The following POGZ variants were observed in gnomAD, a reference collection of about 807,000 sequenced individuals.
POGZ encodes pogo transposable element with ZNF domain.
Under a neutral mutation model 134.6 loss-of-function variants are expected in POGZ, and 17 were observed. The observed-to-expected ratio is 0.13, with a 90% CI of 0.09 to 0.19. POGZ has a LOEUF of 0.19. Among genes scored for constraint, POGZ ranks in the 10% least tolerant of loss-of-function variants. POGZ has a pLI of 1.00. For synonymous variants in POGZ, 693 were observed against 657.1 expected, an observed-to-expected ratio of 1.05 and a Z score of -0.84; for missense variants, 1,306 against 1,769.7, an observed-to-expected ratio of 0.74 and a Z score of 4.70.
chr1:151,450,416 G>A (rs1661904481), intron 1 of POGZ, among the ~76,000 whole-genome samples: 6 of 151,888 alleles, frequency 4.0e-5, no homozygotes, highest in Admixed American at 3.9e-4. Flanking sequence ...GCAGTGGCGC[G>A]ATCTCAACTC....
At chr1:151,440,705 C>T (rs1266019580) in intron 3 of POGZ, 4 of 346,472 alleles carry the variant, frequency 1.2e-5, no homozygotes, top group Non-Finnish European at 2.1e-5. Context: ...CAAGAATCTA[C>T]TGCTCTCTCA....
rs565379628 is a variant in POGZ at position 151,428,102 on chromosome 1, T to G, written c.859+21A>C. On this transcript the variant is annotated intron_variant, in intron 6 of 18. Coordinates refer to ENST00000271715, the MANE Select transcript of POGZ (RefSeq NM_015100.4). ...CCACCATCCCAACCTGGCTCTGCCA[T>G]CTCCTCTTCCGAAGCCTTACCTAGC... 2.5e-6 allele frequency: 4 copies of G among 1,613,596 alleles called. No homozygotes were observed. The East Asian group carries it at 8.9e-5, about 36-fold the overall frequency.
At chr1:151,454,331 T>G (rs1298853729) in intron 1 of POGZ, among the ~76,000 whole-genome samples, 2 of 152,208 alleles carry the variant, frequency 1.3e-5, no homozygotes, top group Non-Finnish European at 2.9e-5. Context: ...TAAAAAGGAC[T>G]AATACCAGAA....
chr1:151,409,962 A>G (rs537857826), intron 12 of POGZ, among the ~76,000 whole-genome samples: 1 of 152,294 alleles, frequency 6.6e-6, no homozygotes, highest in African/African-American at 2.4e-5. Flanking sequence ...CCATGCCCCT[A>G]TTTGGAAATA....
chr1:151,421,508 C>T (rs952067655), intron 10 of POGZ, among the ~76,000 whole-genome samples: 2 of 151,866 alleles, frequency 1.3e-5, no homozygotes, highest in Admixed American at 1.3e-4. Context: ...AATAAATGGT[C>T]AAAGAGATAT....
intron 1 of POGZ, among the ~76,000 whole-genome samples, chr1:151,453,500 G>A (rs190163357): frequency 1.1e-3 from 170 of 150,634 alleles, no homozygotes; most frequent in Non-Finnish European, 1.2e-3. Context: ...TAGCAAAATA[G>A]TTAAATAAGA....
In POGZ at chr1:151,405,626, G is replaced by A; in HGVS notation, c.3409C>T (p.Leu1137=). 1 of 1,614,184 alleles carries A rather than the reference G, an allele frequency of 6.2e-7. No homozygotes were observed. Among genetic ancestry groups the A allele is most frequent in the Non-Finnish European group, 8.5e-7 (1 of 1,180,026 alleles). ...TTCTCCTTTCGATCATCACTGCTCA[G>A]CACCTCTGTATCCAGGAACAAAGAG... ...EISLFLDTEV[L]SSDDRKENAL... is the part of the protein sequence containing the mutation. The change falls in exon 19 of 19, where the codon CTG becomes TTG. Residue 1137 remains leucine (L), a synonymous_variant. Coordinates refer to ENST00000271715, the MANE Select transcript of POGZ (RefSeq NM_015100.4). This position sits in a 1 kb window ranked among gnomAD's most constrained non-coding sequence, Gnocchi z 4.9.
intron 3 of POGZ, among the ~76,000 whole-genome samples, chr1:151,436,406 G>A (rs1659595699): frequency 2.0e-5 from 3 of 151,970 alleles, no homozygotes; most frequent in Admixed American, 6.6e-5. Context: ...CATATAGATG[G>A]AATCATATAA....
At chr1:151,408,261 G>A in intron 14 of POGZ, 21 bp from the exon 15 acceptor site, 1 of 1,595,340 alleles carries the variant, frequency 6.3e-7, no homozygotes, top group Non-Finnish European at 8.5e-7. Flanking sequence ...AAAAAAAAAA[G>A]AATTCTCATT....
intron 3 of POGZ, among the ~76,000 whole-genome samples, chr1:151,432,127 C>G (rs1270043768): frequency 2.0e-5 from 3 of 152,128 alleles, no homozygotes; most frequent in African/African-American, 7.2e-5. Flanking sequence ...CAACATTGTG[C>G]CACTGCACTC....
chr1:151,445,434 A>T (rs1247431960), intron 1 of POGZ, among the ~76,000 whole-genome samples: 1 of 151,366 alleles, frequency 6.6e-6, no homozygotes, highest in Non-Finnish European at 1.5e-5. Flanking sequence ...AGGCAGGAGA[A>T]TCGCTTGAAC....
At chr1:151,423,304 C>T in intron 10 of POGZ, 93 bp downstream of exon 10, 4 of 1,043,416 alleles carry the variant, frequency 3.8e-6, no homozygotes, top group Non-Finnish European at 5.9e-6. Context: ...CTGTTACCCA[C>T]ATGTAAATAA....
intron 10 of POGZ, among the ~76,000 whole-genome samples, chr1:151,422,970 T>C (rs1657188327): frequency 1.3e-5 from 2 of 152,200 alleles, no homozygotes; most frequent in African/African-American, 4.8e-5. Flanking sequence ...TAGAAAACAC[T>C]CCAGCTCATC....
chr1:151,435,958 CTTTTTT>C (rs58367755), intron 3 of POGZ, among the ~76,000 whole-genome samples: 2 of 134,820 alleles, frequency 1.5e-5, no homozygotes. Context: ...ATTTTCTTTT[CTTTTTT>C]TTTTTTTTTG....
At chr1:151,443,513 G>A (rs1660855420) in intron 1 of POGZ, among the ~76,000 whole-genome samples, 1 of 152,170 alleles carries the variant, frequency 6.6e-6, no homozygotes, top group Non-Finnish European at 1.5e-5. Context: ...TCGGGAGTTT[G>A]AGATCAGCCT....
chr1:151,404,280 T>C lies in POGZ; in HGVS notation c.*522A>G, dbSNP rs1653189115. 1.0e-6 allele frequency: 1 copy of C among 982,964 alleles called. No individual in the cohort carries two copies. The highest frequency in any genetic ancestry group is 6.2e-5 in the Admixed American group (1 of 16,258). The allele number at this position is 982,964 out of a possible 1,614,324, so 60.9% of individuals were successfully genotyped here. A position where few individuals can be genotyped will look rare whatever the true frequency, so the allele number is the denominator to read the frequency against. Reference sequence around the variant, plus strand: ...CACAATGAAAAAAGTTTTTTATCCATATATATAATAAACCAGTTTGTGAGC... The same window carrying C: ...CACAATGAAAAAAGTTTTTTATCCACATATATAATAAACCAGTTTGTGAGC... On this transcript the variant is annotated 3_prime_UTR_variant, in exon 19 of 19. Transcript: ENST00000271715.
chr1:151,411,461 C>T (rs188159962), intron 12 of POGZ, among the ~76,000 whole-genome samples, 164 bp downstream of exon 12: 1 of 152,200 alleles, frequency 6.6e-6, no homozygotes, highest in East Asian at 1.9e-4. Context: ...TCTCTAGCAT[C>T]TAGACTAGTA....
chr1:151,446,344 T>G (rs912679197), intron 1 of POGZ, among the ~76,000 whole-genome samples: 1 of 151,644 alleles, frequency 6.6e-6, no homozygotes, highest in African/African-American at 2.4e-5. Flanking sequence ...AAAAAAATTA[T>G]GCTGAAATGT....
At chr1:151,431,178 C>A (rs1022989266) in intron 3 of POGZ, among the ~76,000 whole-genome samples, 9 of 152,022 alleles carry the variant, frequency 5.9e-5, no homozygotes, top group African/African-American at 2.2e-4. Flanking sequence ...TAAGTTTCAC[C>A]CAAATCTACA....
Sources: allele counts gnomAD v4.1 joint callset (sites outside exome capture counted in the v4.1 genomes callset), GRCh38; gene constraint gnomAD v4.1.1; non-coding constraint Gnocchi (gnomAD v3.1); transcripts MANE v1.5; gene names NCBI Gene and HGNC (gene_info 2026-07-23, HGNC 2026-07-21).